Variants in TRIM36 observed in about 807,000 individuals in gnomAD.
TRIM36 encodes the protein E3 ubiquitin-protein ligase TRIM36.
TRIM36 carries 42 observed loss-of-function variants against 72.4 expected under a neutral mutation model. The observed-to-expected ratio is 0.58, with a 90% confidence interval of 0.45 to 0.75. TRIM36 has a LOEUF of 0.75. TRIM36 is among the 30% of genes least tolerant of loss of function. The probability of loss-of-function intolerance (pLI) is 0.00; values close to 1 mark genes in which losing one functional copy is unlikely to be tolerated. For synonymous variants in TRIM36, 315 were observed against 282.8 expected (o/e 1.11, Z -1.14); for missense variants, 913 against 857.1 (o/e 1.07, Z -0.81).
intron 2 of TRIM36, among the ~76,000 whole-genome samples, chr5:115,151,994 C>T (rs1753919305): frequency 6.6e-6 from 1 of 152,106 alleles, no homozygotes; most frequent in African/African-American, 2.4e-5. Flanking sequence ...ATCACACTAG[C>T]TCACCAGCAA....
Position 115,163,575 on chromosome 5 carries a change from G to C in TRIM36, c.205C>G (p.Pro69Ala). 1.2e-6 allele frequency: 2 copies of C among 1,614,158 alleles called. No homozygotes were observed. The highest frequency in any genetic ancestry group is 1.7e-6 in the Non-Finnish European group (2 of 1,180,036). ...CTAGGGGAGGGGAGCCGAAGTCGAG[G>C]ACTGCTTTGATTGGAGTTGTCTGAT... ...VGSDNSNQSS[P>A]RLRLPSPSMD... Residue 69 changes from proline to alanine, a missense_variant, in exon 2 of 10, where the codon CCT becomes GCT. By Grantham distance (27) the Pro-to-Ala change is conservative. Coordinates refer to ENST00000513154, the MANE Select transcript of TRIM36 (RefSeq NM_001300759.2).
chr5:115,152,060 C>G (rs754113054), intron 2 of TRIM36, among the ~76,000 whole-genome samples: 1 of 152,144 alleles, frequency 6.6e-6, no homozygotes, highest in Non-Finnish European at 1.5e-5. Flanking sequence ...CAGAAGGTTA[C>G]TAAGCTAATC....
chr5:115,150,682 A>G (rs1303029209), intron 2 of TRIM36, among the ~76,000 whole-genome samples: 1 of 152,224 alleles, frequency 6.6e-6, no homozygotes, highest in Admixed American at 6.5e-5. Context: ...GACTGCTCCT[A>G]CAGGACCTGG....
upstream of TRIM36, among the ~76,000 whole-genome samples, chr5:115,172,116 T>C (rs1037232800): frequency 1.3e-5 from 2 of 152,218 alleles, no homozygotes; most frequent in African/African-American, 4.8e-5. Context: ...CACCAAGTAA[T>C]GGTATCATTG....
intron 5 of TRIM36, among the ~76,000 whole-genome samples, chr5:115,140,998 AT>A (rs1753245939): frequency 6.6e-6 from 1 of 152,206 alleles, no homozygotes; most frequent in Non-Finnish European, 1.5e-5. Context: ...TTATGTTACT[AT>A]TAAATACTTT....
chr5:115,169,240 G>A (rs989385830), intron 1 of TRIM36, among the ~76,000 whole-genome samples: 1 of 152,226 alleles, frequency 6.6e-6, no homozygotes, highest in East Asian at 1.9e-4. Context: ...GGCCCCGCAA[G>A]CGCGAGGGAC....
Position 115,147,439 on chromosome 5 carries a change from T to C in TRIM36, c.263-45A>G, listed in dbSNP as rs777794124. ...TTGTTTAGTTATAGCAGTAGGAAAA[T>C]GATTAGAATGAAGAAAAGAGGAGTC... On this transcript the variant is annotated intron_variant, in intron 2 of 9. Transcript: ENST00000513154. 7.7e-6 allele frequency: 12 copies of C among 1,563,514 alleles called. No homozygotes were observed. In the South Asian group the frequency reaches 1.3e-4, roughly 17 times the overall value.
chr5:115,129,473 G>C (rs367699707), intron 9 of TRIM36, among the ~76,000 whole-genome samples: 11 of 152,110 alleles, frequency 7.2e-5, no homozygotes, highest in African/African-American at 2.7e-4. Flanking sequence ...CAGAAGAATC[G>C]CTTGAACCCG....
At chr5:115,180,150 C>T (rs1755553971) in exon 1 of TRIM36, 2 of 1,062,242 alleles carry the variant, frequency 1.9e-6, no homozygotes, top group Admixed American at 2.2e-5. Context: ...CGCCCATAAG[C>T]TGTTAACCAG....
Position 115,134,049 on chromosome 5 carries a change from C to T in TRIM36, c.1309G>A (p.Val437Ile), listed in dbSNP as rs755197593. The T allele has an allele frequency of 9.3e-6, 15 of 1,613,882 alleles. No individual in the cohort carries two copies. Among genetic ancestry groups the T allele is most frequent in the Non-Finnish European group, 1.3e-5 (15 of 1,179,930 alleles). ...CTATTGATTTTCCGATATTCAAGAA[C>T]ATAGCTATCAGCTTTATCCTTTTCT... ...HPEKDKADSY[V>I]LEYRKINRDD... Residue 437 changes from valine to isoleucine, a missense_variant, in exon 8 of 10, where the codon GTT (valine) becomes ATT (isoleucine). Val to Ile is a conservative substitution (Grantham distance 29). Coordinates refer to ENST00000513154, the MANE Select transcript of TRIM36 (RefSeq NM_001300759.2).
intron 1 of TRIM36, among the ~76,000 whole-genome samples, chr5:115,168,803 G>C (rs1237046364): frequency 6.6e-6 from 1 of 152,158 alleles, no homozygotes; most frequent in East Asian, 1.9e-4. Context: ...ATCTTGTCCG[G>C]GATATCCAAA....
upstream of TRIM36, among the ~76,000 whole-genome samples, chr5:115,174,435 G>A (rs1424635227): frequency 6.6e-6 from 1 of 152,154 alleles, no homozygotes; most frequent in Non-Finnish European, 1.5e-5. Flanking sequence ...CAGTAGATTG[G>A]CACACGGACC....
intron 2 of TRIM36, among the ~76,000 whole-genome samples, chr5:115,157,645 C>T (rs1403245214): frequency 1.3e-5 from 2 of 151,986 alleles, no homozygotes; most frequent in Non-Finnish European, 2.9e-5. Flanking sequence ...GAAAAGCAGT[C>T]ATTATACAAA....
chr5:115,126,189 A>C lies in TRIM36; in HGVS notation c.*314T>G. 3.9e-6 allele frequency: 1 copy of C among 254,452 alleles called. No individual in the cohort carries two copies. Among genetic ancestry groups the C allele is most frequent in the Non-Finnish European group, 7.5e-6 (1 of 133,006 alleles). 15.8% of individuals were successfully genotyped at this position (254,452 alleles called of 1,614,324 possible). ...ATACTTTTGTATCCCCCCCACCATA[A>C]GGAAAGTGTCAGCAACACCAGCTGA... is the stretch of plus-strand genomic sequence containing the variant. On this transcript the variant is annotated 3_prime_UTR_variant, in exon 10 of 10. Transcript: ENST00000513154.
intron 3 of TRIM36, among the ~76,000 whole-genome samples, chr5:115,146,818 G>T (rs1753617986): frequency 6.6e-6 from 1 of 152,066 alleles, no homozygotes; most frequent in Admixed American, 6.5e-5. Context: ...TTACAAACAT[G>T]CATTTATTGT....
At chr5:115,157,011 T>C (rs191873610) in intron 2 of TRIM36, among the ~76,000 whole-genome samples, 5 of 152,098 alleles carry the variant, frequency 3.3e-5, no homozygotes, top group Admixed American at 2.6e-4. Flanking sequence ...AGGACATGAA[T>C]AGACAATTCT....
chr5:115,160,004 C>T (rs1754392224), intron 2 of TRIM36, among the ~76,000 whole-genome samples: 1 of 149,796 alleles, frequency 6.7e-6, no homozygotes, highest in Admixed American at 6.6e-5. Context: ...TTTTACTGAC[C>T]TAATAACTGT....
intron 2 of TRIM36, among the ~76,000 whole-genome samples, chr5:115,150,048 C>T (rs766566684): frequency 5.9e-5 from 9 of 152,148 alleles, no homozygotes; most frequent in Non-Finnish European, 1.3e-4. Flanking sequence ...CTTCAGCCAC[C>T]GTGCCTGGCC....
At chr5:115,172,867 G>A (rs1471264835), upstream of TRIM36, among the ~76,000 whole-genome samples, 3 of 152,156 alleles carry the variant, frequency 2.0e-5, no homozygotes, top group Non-Finnish European at 2.9e-5. Context: ...TAACCATTGT[G>A]GAGAAGTAAG....
Sources: gnomAD v4.1 joint callset for allele counts (sites outside exome capture counted in the v4.1 genomes callset) on GRCh38, gnomAD v4.1.1 for gene constraint, MANE v1.5 for transcripts, NCBI Gene and HGNC (gene_info 2026-07-23, HGNC 2026-07-21) for gene names.